BABAM2: variants seen among roughly 807,000 people sequenced by gnomAD.
BABAM2 encodes the protein BRISC and BRCA1-A complex member 2.
Under a neutral mutation model 54.7 loss-of-function variants are expected in BABAM2, and 31 were observed. That is an observed-to-expected ratio of 0.57 (90% CI 0.43 to 0.77). BABAM2 has a LOEUF of 0.77. Ranked by LOEUF, BABAM2 falls within the 30% of genes least tolerant of loss-of-function variation. The probability of loss-of-function intolerance (pLI) is 0.00; values close to 1 mark genes in which losing one functional copy is unlikely to be tolerated. For synonymous variants in BABAM2, 167 were observed against 162.9 expected (o/e 1.03, Z -0.19); for missense variants, 364 against 455.8 (o/e 0.80, Z 1.83).
In BABAM2 at chr2:27,929,051, T is replaced by TAA. The variant is rs374733074; in HGVS notation, c.129-762_129-761dup. On this transcript the variant is annotated intron_variant, in intron 2 of 11. Coordinates refer to ENST00000379624, the MANE Select transcript of BABAM2 (RefSeq NM_199191.3). ...GGTAACATAGTGAGACCTCCTCTCT[T>TAA]AAAAAAAAAAAAAAAAAAAAGCCAG... Among the ~76,000 whole-genome samples, 700 of 114,584 alleles carry TAA rather than the reference T, an allele frequency of 6.1e-3. 5 individuals carry two copies. The highest frequency in any genetic ancestry group is 0.014 in the Middle Eastern group (3 of 212). The allele number at this position is 114,584 out of a possible 152,430, so 75.2% of individuals were successfully genotyped here. A position where few individuals can be genotyped will look rare whatever the true frequency, so the allele number is the denominator to read the frequency against.
intron 3 of BABAM2, among the ~76,000 whole-genome samples, chr2:27,986,154 T>C (rs1241558841): frequency 6.6e-6 from 1 of 152,150 alleles, no homozygotes; most frequent in Non-Finnish European, 1.5e-5. Context: ...GTTTGAAAAG[T>C]TTGCTTTTAC....
At chr2:28,105,349 G>A (rs1307604037) in intron 6 of BABAM2, among the ~76,000 whole-genome samples, 1 of 152,132 alleles carries the variant, frequency 6.6e-6, no homozygotes, top group Non-Finnish European at 1.5e-5. Context: ...GAGGGAAGAG[G>A]CAGAAGATAC....
At chr2:27,964,538 A>G (rs776212431) in intron 3 of BABAM2, among the ~76,000 whole-genome samples, 1 of 152,220 alleles carries the variant, frequency 6.6e-6, no homozygotes, top group African/African-American at 2.4e-5. Flanking sequence ...CTTTGGGTCT[A>G]CAGTGTGGAA....
intron 4 of BABAM2, among the ~76,000 whole-genome samples, chr2:28,007,955 G>A (rs565192923): frequency 2.0e-5 from 3 of 152,070 alleles, no homozygotes; most frequent in African/African-American, 4.8e-5. Context: ...AAAATGTTTT[G>A]GATCCTTTAA....
intron 4 of BABAM2, chr2:28,015,651 A>AT (rs1243296317): frequency 2.8e-6 from 2 of 701,758 alleles, no homozygotes; most frequent in African/African-American, 3.8e-5. Context: ...AAACAAGAAA[A>AT]TTCATGCATT....
At chr2:28,105,511 T>G (rs1304709933) in intron 6 of BABAM2, among the ~76,000 whole-genome samples, 1 of 152,200 alleles carries the variant, frequency 6.6e-6, no homozygotes, top group Non-Finnish European at 1.5e-5. Flanking sequence ...GTTGAAAAAC[T>G]TAAGTTTTTT....
At chr2:28,089,039 G>GT (rs533067427) in intron 6 of BABAM2, among the ~76,000 whole-genome samples, 7,198 of 149,096 alleles carry the variant, frequency 0.048, 277 homozygotes, top group African/African-American at 0.11. Context: ...TGCATTTAGG[G>GT]TTTTTTTTTT....
At chr2:28,164,581 C>T (rs1373719085) in intron 7 of BABAM2, among the ~76,000 whole-genome samples, 1 of 151,134 alleles carries the variant, frequency 6.6e-6, no homozygotes, top group Non-Finnish European at 1.5e-5. Context: ...CTTTTGCTGC[C>T]TTTGCTTGTT....
intron 11 of BABAM2, chr2:28,308,541 A>G (rs909825580): frequency 2.0e-6 from 1 of 504,564 alleles, no homozygotes; most frequent in African/African-American, 1.9e-5. Context: ...CAACACCCTG[A>G]TCAGGCCTGA....
chr2:28,298,003 G>C (rs1687832400), intron 10 of BABAM2, among the ~76,000 whole-genome samples: 1 of 152,196 alleles, frequency 6.6e-6, no homozygotes, highest in Non-Finnish European at 1.5e-5. Flanking sequence ...GGAAGTGCTA[G>C]AGAGGAATGT....
At position 28,229,539 on chromosome 2, in the gene BABAM2, A is replaced by T. The variant is rs555698487; in HGVS notation, c.681-7663A>T. 5.3e-5 allele frequency among the ~76,000 whole-genome samples: 8 copies of T among 152,166 alleles called. No homozygotes were observed. The East Asian group carries it at 1.5e-3, about 29-fold the overall frequency. On this transcript the variant is annotated intron_variant, in intron 7 of 11. Coordinates refer to ENST00000379624, the MANE Select transcript of BABAM2 (RefSeq NM_199191.3). ...CTTCTCATTTATACTGTGCCTCATCAGAGAACAGCTGATCAAAATTATCCA... is the reference window on the plus strand; with the variant it reads ...CTTCTCATTTATACTGTGCCTCATCTGAGAACAGCTGATCAAAATTATCCA...
chr2:28,139,678 G>A (rs1476232003), intron 7 of BABAM2, among the ~76,000 whole-genome samples: 1 of 152,220 alleles, frequency 6.6e-6, no homozygotes, highest in Admixed American at 6.5e-5. Flanking sequence ...ATGTCTTTCT[G>A]TATTGTGTCT....
intron 11 of BABAM2, among the ~76,000 whole-genome samples, chr2:28,315,688 T>C (rs866878984): frequency 6.6e-6 from 1 of 151,380 alleles, no homozygotes; most frequent in South Asian, 2.1e-4. Context: ...AGGTGGAGTC[T>C]CACTATGTTG....
chr2:28,225,034 A>G (rs545830988), intron 7 of BABAM2, among the ~76,000 whole-genome samples: 6 of 152,332 alleles, frequency 3.9e-5, no homozygotes, highest in African/African-American at 1.4e-4. Context: ...CAAGAGAAAG[A>G]AAACAGAGCT....
At chr2:28,093,019 G>A (rs746956501) in intron 6 of BABAM2, among the ~76,000 whole-genome samples, 22 of 151,996 alleles carry the variant, frequency 1.4e-4, no homozygotes, top group Non-Finnish European at 2.5e-4. Context: ...TAGCTTTTTA[G>A]GAACTTACAT....
chr2:28,109,024 A>G (rs1026714583), intron 6 of BABAM2, among the ~76,000 whole-genome samples: 6 of 152,178 alleles, frequency 3.9e-5, no homozygotes, highest in Admixed American at 3.3e-4. Context: ...TTTTTAATAT[A>G]CTAGAAATAT....
At chr2:27,928,928 A>C (rs1667904197) in intron 2 of BABAM2, among the ~76,000 whole-genome samples, 1 of 151,436 alleles carries the variant, frequency 6.6e-6, no homozygotes, top group Non-Finnish European at 1.5e-5. Context: ...AAAAAAAAAA[A>C]CCAGGCCAGG....
At chr2:28,320,420 G>A (rs1488526105) in intron 11 of BABAM2, among the ~76,000 whole-genome samples, 1 of 152,270 alleles carries the variant, frequency 6.6e-6, no homozygotes, top group Non-Finnish European at 1.5e-5. Flanking sequence ...GTACCTGCAT[G>A]TCAGCGCTGT....
chr2:28,181,901 TG>T (rs958356076), intron 7 of BABAM2, among the ~76,000 whole-genome samples: 2 of 151,980 alleles, frequency 1.3e-5, no homozygotes, highest in African/African-American at 4.8e-5. Flanking sequence ...AAAGCTTCAC[TG>T]CGAAAGTGAC....
Sources: allele counts gnomAD v4.1 joint callset (sites outside exome capture counted in the v4.1 genomes callset), GRCh38; gene constraint gnomAD v4.1.1; transcripts MANE v1.5; gene names NCBI Gene and HGNC (gene_info 2026-07-23, HGNC 2026-07-21).